RBPJ: variants seen among roughly 807,000 people sequenced by gnomAD.
The protein encoded by RBPJ is recombining binding protein suppressor of hairless.
Under a neutral mutation model 67.8 loss-of-function variants are expected in RBPJ, and 9 were observed. The observed-to-expected ratio is 0.13, with a 90% CI of 0.08 to 0.23. The LOEUF is 0.23. Among genes scored for constraint, RBPJ ranks in the 10% least tolerant of loss-of-function variants. RBPJ has a pLI of 1.00. For missense variants in RBPJ, 305 were observed against 595.6 expected (o/e 0.51, Z 5.08); for synonymous variants, 198 against 203.3 (o/e 0.97, Z 0.22).
At chr4:26,171,222 T>C (rs1716568297) in intron 1 of RBPJ, among the ~76,000 whole-genome samples, 1 of 152,228 alleles carries the variant, frequency 6.6e-6, no homozygotes, top group Non-Finnish European at 1.5e-5. Context: ...ATTTCTTAAA[T>C]ATAAATGTCA....
At chr4:26,307,858 A>C (rs1015541510) in intron 1 of RBPJ, among the ~76,000 whole-genome samples, 3 of 152,236 alleles carry the variant, frequency 2.0e-5, no homozygotes, top group African/African-American at 7.2e-5. Flanking sequence ...TAATTTATTA[A>C]CCATCCTTCC....
intron 1 of RBPJ, among the ~76,000 whole-genome samples, chr4:26,352,787 T>C (rs559965020): frequency 2.8e-4 from 42 of 152,366 alleles, no homozygotes; most frequent in African/African-American, 8.9e-4. Context: ...TGAAGGTTCA[T>C]AGGGCTTGTT....
chr4:26,335,132 C>G (rs1262214396), intron 1 of RBPJ, among the ~76,000 whole-genome samples: 1 of 152,134 alleles, frequency 6.6e-6, no homozygotes, highest in Admixed American at 6.6e-5. Context: ...ACGTTAACTT[C>G]AGTAACTTCC....
the RBPJ span, among the ~76,000 whole-genome samples, chr4:26,132,894 A>C: frequency 6.6e-6 from 1 of 152,140 alleles, no homozygotes; most frequent in East Asian, 1.9e-4. Context: ...GTGCTTCTAA[A>C]TCCCTAAGGC....
intron 1 of RBPJ, among the ~76,000 whole-genome samples, chr4:26,182,296 C>T (rs4692421): frequency 3.2e-4 from 49 of 151,912 alleles, no homozygotes; most frequent in Non-Finnish European, 5.2e-4. Context: ...GAGCCGAGAT[C>T]GCGCCACTGC....
chr4:26,180,596 G>A (rs1416820974), intron 1 of RBPJ, among the ~76,000 whole-genome samples: 1 of 152,060 alleles, frequency 6.6e-6, no homozygotes, highest in Non-Finnish European at 1.5e-5. Flanking sequence ...TTTTATAAGG[G>A]CACTAATACC....
chr4:26,141,961 A>G, the RBPJ span, among the ~76,000 whole-genome samples: 8 of 152,256 alleles, frequency 5.3e-5, no homozygotes, highest in Admixed American at 5.2e-4. Context: ...GAGTGTTTAT[A>G]TAGATTAGAA....
chr4:26,335,870 G>A (rs1002201714), intron 1 of RBPJ, among the ~76,000 whole-genome samples: 4 of 151,624 alleles, frequency 2.6e-5, no homozygotes, highest in African/African-American at 4.8e-5. Context: ...TGATCCACCC[G>A]CCTCGGCCTC....
intron 1 of RBPJ, among the ~76,000 whole-genome samples, chr4:26,263,933 C>T (rs537885011): frequency 1.3e-5 from 2 of 150,656 alleles, no homozygotes; most frequent in South Asian, 2.1e-4. Flanking sequence ...GGAGTGCAGC[C>T]GTGCGATCTC....
At chr4:26,270,583 G>T (rs774351412) in intron 1 of RBPJ, among the ~76,000 whole-genome samples, 6 of 152,028 alleles carry the variant, frequency 3.9e-5, no homozygotes, top group Non-Finnish European at 5.9e-5. Flanking sequence ...GAATCTTTGG[G>T]GTTGGGAACC....
At chr4:26,334,982 A>C (rs576741204) in intron 1 of RBPJ, among the ~76,000 whole-genome samples, 2 of 152,082 alleles carry the variant, frequency 1.3e-5, no homozygotes, top group Non-Finnish European at 2.9e-5. Flanking sequence ...AAAAATTCCT[A>C]CTGGTTGTTC....
chr4:26,190,296 G>A (rs1054222035), intron 1 of RBPJ, among the ~76,000 whole-genome samples: 13 of 152,116 alleles, frequency 8.5e-5, no homozygotes, highest in Non-Finnish European at 1.3e-4. Context: ...ATCCCTTCAC[G>A]GACTAAGATA....
At chr4:26,270,441 A>AG (rs1720879016) in intron 1 of RBPJ, among the ~76,000 whole-genome samples, 2 of 116,394 alleles carry the variant, frequency 1.7e-5, no homozygotes, top group Non-Finnish European at 3.7e-5. Context: ...AAGAAAGAAG[A>AG]AAGAAAGAAA....
At chr4:26,278,718 T>G (rs931882848) in intron 1 of RBPJ, among the ~76,000 whole-genome samples, 3 of 152,216 alleles carry the variant, frequency 2.0e-5, no homozygotes, top group African/African-American at 7.2e-5. Context: ...AAATCTCTTT[T>G]GCCCCTTTAC....
At chr4:26,429,270 T>C (rs1303074796) in intron 8 of RBPJ, among the ~76,000 whole-genome samples, 1 of 152,224 alleles carries the variant, frequency 6.6e-6, no homozygotes, top group Middle Eastern at 3.2e-3. Flanking sequence ...AAGATAGTAA[T>C]GATGACATGC....
chr4:26,392,537 A>G (rs1560317714), intron 2 of RBPJ, among the ~76,000 whole-genome samples: 1 of 152,234 alleles, frequency 6.6e-6, no homozygotes, highest in Non-Finnish European at 1.5e-5. Flanking sequence ...AAATAATTAT[A>G]TTCAATTTTC....
At chr4:26,410,777 G>A (rs775366194) in intron 3 of RBPJ, among the ~76,000 whole-genome samples, 2 of 152,188 alleles carry the variant, frequency 1.3e-5, no homozygotes, top group Non-Finnish European at 2.9e-5. Context: ...CTTTGAATCT[G>A]TAAGGCAGTT....
At chr4:26,255,218 C>T (rs1376310795) in intron 1 of RBPJ, among the ~76,000 whole-genome samples, 1 of 140,602 alleles carries the variant, frequency 7.1e-6, no homozygotes, top group Non-Finnish European at 1.5e-5. Context: ...TCCTGGCTAA[C>T]ACGGTGAGAC....
chr4:26,277,371 A>G (rs1721119461), intron 1 of RBPJ, among the ~76,000 whole-genome samples: 1 of 152,140 alleles, frequency 6.6e-6, no homozygotes, highest in East Asian at 1.9e-4. Context: ...AAAATTCAGC[A>G]TTTGTGGAAT....
Sources: gnomAD v4.1 joint callset for allele counts (sites outside exome capture counted in the v4.1 genomes callset) on GRCh38, gnomAD v4.1.1 for gene constraint, MANE v1.5 for transcripts, NCBI Gene and HGNC (gene_info 2026-07-23, HGNC 2026-07-21) for gene names.